The following ERGIC1 variants were observed in gnomAD, a reference collection of about 807,000 sequenced individuals.
ERGIC1 encodes the protein endoplasmic reticulum-Golgi intermediate compartment protein 1.
Under a neutral mutation model 38.3 loss-of-function variants are expected in ERGIC1, and 19 were observed. The ratio of observed to expected loss-of-function variants is 0.50; its 90% CI spans 0.35 to 0.73. The LOEUF (loss-of-function observed/expected upper bound fraction) is 0.73, where lower values mean the gene tolerates loss of function less well. Among genes scored for constraint, ERGIC1 ranks in the 30% least tolerant of loss-of-function variants. ERGIC1 has a pLI of 0.01. For synonymous variants in ERGIC1, 124 were observed against 157.6 expected, an observed-to-expected ratio of 0.79 and a Z score of 1.60; for missense variants, 294 against 389.2, an observed-to-expected ratio of 0.76 and a Z score of 2.06.
intron 1 of ERGIC1, among the ~76,000 whole-genome samples, chr5:172,872,690 C>T (rs2113168577): frequency 6.6e-6 from 1 of 152,270 alleles, no homozygotes; most frequent in South Asian, 2.1e-4. Flanking sequence ...TGGCACATGC[C>T]TGTAATCTCA....
intron 1 of ERGIC1, among the ~76,000 whole-genome samples, chr5:172,844,260 T>C (rs1358539734): frequency 1.3e-5 from 2 of 152,190 alleles, no homozygotes; most frequent in South Asian, 2.1e-4. Context: ...CAGTCGGTGA[T>C]TGGGCAAGAT....
chr5:172,862,439 A>T (rs1255169520), intron 1 of ERGIC1, among the ~76,000 whole-genome samples: 1 of 151,930 alleles, frequency 6.6e-6, no homozygotes, highest in East Asian at 1.9e-4. Context: ...GTTTATAGAA[A>T]GGCCCAGTGG....
At chr5:172,919,791 G>A (rs373437115) in intron 5 of ERGIC1, among the ~76,000 whole-genome samples, 22 of 152,308 alleles carry the variant, frequency 1.4e-4, no homozygotes, top group Middle Eastern at 3.4e-3. Flanking sequence ...TTACAAGTGC[G>A]CCTGTGGAAG....
At chr5:172,941,660 C>G (rs1764015130) in intron 9 of ERGIC1, among the ~76,000 whole-genome samples, 1 of 152,174 alleles carries the variant, frequency 6.6e-6, no homozygotes, top group Admixed American at 6.5e-5. Flanking sequence ...GATACAGTGA[C>G]TTTCATCCTG....
At chr5:172,849,889 T>G (rs1158333938) in intron 1 of ERGIC1, among the ~76,000 whole-genome samples, 1 of 152,190 alleles carries the variant, frequency 6.6e-6, no homozygotes, top group South Asian at 2.1e-4. Context: ...GTAAAAACAT[T>G]CACTCAGCAT....
intron 7 of ERGIC1, among the ~76,000 whole-genome samples, chr5:172,927,597 T>G (rs959162222): frequency 8.5e-5 from 11 of 129,758 alleles, no homozygotes; most frequent in Middle Eastern, 4.1e-3. Flanking sequence ...TTTTTTTTTT[T>G]GAGACGGAGT....
At chr5:172,941,361 G>GTTA (rs1209791651) in intron 9 of ERGIC1, among the ~76,000 whole-genome samples, 2 of 152,120 alleles carry the variant, frequency 1.3e-5, no homozygotes, top group African/African-American at 2.4e-5. Context: ...TAATTACATA[G>GTTA]TTACCTCTTT....
At chr5:172,850,771 T>G (rs1295768072) in intron 1 of ERGIC1, among the ~76,000 whole-genome samples, 3 of 152,174 alleles carry the variant, frequency 2.0e-5, no homozygotes, top group Non-Finnish European at 4.4e-5. Context: ...ACACATTTGG[T>G]CTTCTAAAGC....
At chr5:172,852,174 G>T (rs1278854733) in intron 1 of ERGIC1, among the ~76,000 whole-genome samples, 1 of 152,172 alleles carries the variant, frequency 6.6e-6, no homozygotes, top group African/African-American at 2.4e-5. Flanking sequence ...CCCCCACTTT[G>T]AGCCCTGTGC....
At chr5:172,870,503 G>A (rs1309032100) in intron 1 of ERGIC1, among the ~76,000 whole-genome samples, 2 of 152,216 alleles carry the variant, frequency 1.3e-5, no homozygotes, top group African/African-American at 4.8e-5. Flanking sequence ...GATGACCAAC[G>A]CTCCGGTCTG....
intron 7 of ERGIC1, among the ~76,000 whole-genome samples, chr5:172,931,857 C>CTT (rs375589121): frequency 0.026 from 3,251 of 122,990 alleles, 201 homozygotes; most frequent in African/African-American, 0.085. Context: ...AGCACCCACA[C>CTT]TTTTTTTTTT....
At chr5:172,950,659 C>T (rs767746454) in intron 9 of ERGIC1, 50 bp from the exon 10 acceptor site, 150 of 1,548,194 alleles carry the variant, frequency 9.7e-5, no homozygotes, top group Non-Finnish European at 9.2e-5. Context: ...CCTGGTTCAT[C>T]CTCCAGCACT....
At chr5:172,903,926 G>A (rs1483117097) in intron 3 of ERGIC1, among the ~76,000 whole-genome samples, 1 of 151,696 alleles carries the variant, frequency 6.6e-6, no homozygotes, top group South Asian at 2.1e-4. Context: ...TTACCAAGAA[G>A]GGTGTGGAAT....
At chr5:172,840,156 C>T (rs1413475718) in intron 1 of ERGIC1, among the ~76,000 whole-genome samples, 5 of 105,532 alleles carry the variant, frequency 4.7e-5, no homozygotes, top group African/African-American at 7.1e-5. Flanking sequence ...AGTTTTCCCA[C>T]GCTGACCAGT....
chr5:172,906,003 TA>T (rs765852909), intron 3 of ERGIC1: 50 of 454,310 alleles, frequency 1.1e-4, no homozygotes, highest in Non-Finnish European at 2.1e-4. Flanking sequence ...GCCCGGTGTT[TA>T]AAGGTGGGAG....
chr5:172,858,749 TGG>T (rs1300768987), intron 1 of ERGIC1, among the ~76,000 whole-genome samples: 2 of 152,082 alleles, frequency 1.3e-5, no homozygotes, highest in Non-Finnish European at 2.9e-5. Flanking sequence ...CTGGCATGGG[TGG>T]GGGTCCGCTG....
intron 3 of ERGIC1, among the ~76,000 whole-genome samples, chr5:172,899,828 T>C (rs1473765799): frequency 2.6e-5 from 4 of 152,188 alleles, no homozygotes; most frequent in Non-Finnish European, 5.9e-5. Context: ...TGGCTGCAGG[T>C]ACATGATATT....
At chr5:172,894,132 C>CT (rs781661227) in intron 2 of ERGIC1, among the ~76,000 whole-genome samples, 963 of 10,480 alleles carry the variant, frequency 0.092, 181 homozygotes, top group Non-Finnish European at 0.12. Context: ...GCTGATGATA[C>CT]TTTTTTTTTT....
In ERGIC1 at chr5:172,932,717, T is replaced by C. The variant is rs474099; in HGVS notation, c.642+181T>C. ...AAATTGAAAAGCCCAGTCCCTGCCA[T>C]GTGGCAGTCTCAGAGTCAAGGAGAA... On this transcript the variant is annotated intron_variant, in intron 8 of 9. Coordinates refer to ENST00000393784, the MANE Select transcript of ERGIC1 (RefSeq NM_001031711.3). 0.012 allele frequency: 7,464 copies of C among 614,048 alleles called. 441 individuals carry two copies. The African/African-American group carries it at 0.12, about 10-fold the overall frequency. 38.0% of individuals were successfully genotyped at this position (614,048 alleles called of 1,614,324 possible). A position where few individuals can be genotyped will look rare whatever the true frequency, so the allele number is the denominator to read the frequency against.
Sources: gnomAD v4.1 joint callset for allele counts (sites outside exome capture counted in the v4.1 genomes callset) on GRCh38, gnomAD v4.1.1 for gene constraint, MANE v1.5 for transcripts, NCBI Gene and HGNC (gene_info 2026-07-23, HGNC 2026-07-21) for gene names.